The following QTMAN variants were observed in gnomAD, a reference collection of about 807,000 sequenced individuals.
QTMAN encodes queuosine-tRNA mannosyltransferase, also known as tRNA-queuosine alpha-mannosyltransferase.
chr2:144,069,209 C>T, the QTMAN span, among the ~76,000 whole-genome samples: 13 of 149,168 alleles, frequency 8.7e-5, no homozygotes, highest in Admixed American at 2.0e-4. Context: ...AAACTGGCTG[C>T]GGGAACACTG....
the QTMAN span, among the ~76,000 whole-genome samples, chr2:144,014,317 C>T: frequency 2.0e-5 from 3 of 152,144 alleles, no homozygotes; most frequent in Admixed American, 6.5e-5. Flanking sequence ...GGGGAATACC[C>T]GCTAGCCCAA....
chr2:144,231,800 T>C, the QTMAN span, among the ~76,000 whole-genome samples: 3 of 151,780 alleles, frequency 2.0e-5, no homozygotes, highest in Non-Finnish European at 4.4e-5. Flanking sequence ...TGAATAGTGG[T>C]TAATATGCAA....
the QTMAN span, among the ~76,000 whole-genome samples, chr2:144,303,796 C>T: frequency 6.6e-6 from 1 of 152,082 alleles, no homozygotes; most frequent in Non-Finnish European, 1.5e-5. Flanking sequence ...ACAATAATGG[C>T]AGCAATGAAC....
the QTMAN span, among the ~76,000 whole-genome samples, chr2:144,262,569 C>CAAAA: frequency 2.0e-5 from 1 of 49,624 alleles, no homozygotes; most frequent in African/African-American, 9.1e-5. Context: ...GATGCTGTCT[C>CAAAA]AAAAAAAAAA....
At chr2:144,089,012 A>G in the QTMAN span, among the ~76,000 whole-genome samples, 1 of 152,104 alleles carries the variant, frequency 6.6e-6, no homozygotes, top group Non-Finnish European at 1.5e-5. Flanking sequence ...AATATTCAAC[A>G]GTGTGAAGAG....
At chr2:144,273,926 G>C in the QTMAN span, among the ~76,000 whole-genome samples, 381 of 152,286 alleles carry the variant, frequency 2.5e-3, 4 homozygotes, top group African/African-American at 8.8e-3. Flanking sequence ...ACAAGGTCAA[G>C]AGATCCAGAC....
chr2:144,316,236 C>CA, the QTMAN span, among the ~76,000 whole-genome samples: 832 of 134,794 alleles, frequency 6.2e-3, 2 homozygotes, highest in African/African-American at 0.015. Flanking sequence ...AACCCTATCT[C>CA]AAAAAAAAAA....
chr2:144,081,428 C>T, the QTMAN span, among the ~76,000 whole-genome samples: 2 of 152,112 alleles, frequency 1.3e-5, no homozygotes, highest in African/African-American at 4.8e-5. Flanking sequence ...CAAATAAGTT[C>T]TGGAAAAGGC....
chr2:144,329,746 C>T, the QTMAN span, among the ~76,000 whole-genome samples: 1 of 152,180 alleles, frequency 6.6e-6, no homozygotes, highest in Admixed American at 6.5e-5. Context: ...TTCAACCTAA[C>T]AGCGTACCTG....
At chr2:144,103,297 G>A in the QTMAN span, among the ~76,000 whole-genome samples, 1 of 152,234 alleles carries the variant, frequency 6.6e-6, no homozygotes, top group Admixed American at 6.5e-5. Flanking sequence ...TGGAGGCCGG[G>A]GGCCACTGGA....
the QTMAN span, among the ~76,000 whole-genome samples, chr2:144,269,339 G>A: frequency 6.6e-6 from 1 of 152,176 alleles, no homozygotes; most frequent in Non-Finnish European, 1.5e-5. Flanking sequence ...GATGTTGCTT[G>A]ATGCAGTTCT....
the QTMAN span, among the ~76,000 whole-genome samples, chr2:144,318,748 G>A: frequency 6.6e-6 from 1 of 152,170 alleles, no homozygotes; most frequent in Non-Finnish European, 1.5e-5. Context: ...TTTACTGTTT[G>A]TTGATGAACT....
At chr2:144,260,389 C>T in the QTMAN span, among the ~76,000 whole-genome samples, 3 of 151,882 alleles carry the variant, frequency 2.0e-5, 1 homozygote, top group South Asian at 4.1e-4. Flanking sequence ...AGTGATGTTC[C>T]AAGATATAAT....
chr2:144,267,622 T>C, the QTMAN span, among the ~76,000 whole-genome samples: 23 of 152,266 alleles, frequency 1.5e-4, no homozygotes, highest in South Asian at 4.1e-4. Flanking sequence ...CATTTAATAA[T>C]TGAAAGGGGA....
At chr2:144,104,691 G>A in the QTMAN span, among the ~76,000 whole-genome samples, 1 of 152,228 alleles carries the variant, frequency 6.6e-6, no homozygotes, top group African/African-American at 2.4e-5. Flanking sequence ...GCAGGGCATA[G>A]CCAAACAAAA....
At chr2:144,239,295 T>C in the QTMAN span, among the ~76,000 whole-genome samples, 2 of 152,130 alleles carry the variant, frequency 1.3e-5, no homozygotes, top group African/African-American at 2.4e-5. Flanking sequence ...AAAAGAGCAA[T>C]GCTACAAAAC....
At chr2:144,043,954 G>A in the QTMAN span, among the ~76,000 whole-genome samples, 3 of 152,114 alleles carry the variant, frequency 2.0e-5, no homozygotes, top group Admixed American at 2.0e-4. Context: ...TTTTGTTAGA[G>A]CAGTGGTATT....
chr2:144,191,892 C>T, the QTMAN span, among the ~76,000 whole-genome samples: 4 of 152,250 alleles, frequency 2.6e-5, no homozygotes, highest in South Asian at 8.3e-4. Flanking sequence ...TACTGACTGA[C>T]CACTCCTCTA....
chr2:144,266,551 G>C, the QTMAN span, among the ~76,000 whole-genome samples: 54 of 152,286 alleles, frequency 3.5e-4, no homozygotes, highest in African/African-American at 1.2e-3. Context: ...ATCGATAGTA[G>C]CTGCTACTGT....
Sources: gnomAD v4.1 joint callset for allele counts (sites outside exome capture counted in the v4.1 genomes callset) on GRCh38, gnomAD v4.1.1 for gene constraint, MANE v1.5 for transcripts, NCBI Gene and HGNC (gene_info 2026-07-23, HGNC 2026-07-21) for gene names.